HDAC4: variants seen among roughly 807,000 people sequenced by gnomAD.
HDAC4 encodes histone deacetylase A.
In HDAC4, 16 loss-of-function variants were observed where a neutral mutation model predicts 135.1. That is an observed-to-expected ratio of 0.12 (90% CI 0.08 to 0.18). The LOEUF (loss-of-function observed/expected upper bound fraction) is 0.18, where lower values mean the gene tolerates loss of function less well. Among genes scored for constraint, HDAC4 ranks in the 10% least tolerant of loss-of-function variants. The pLI, the probability that HDAC4 is intolerant of heterozygous loss-of-function variation, is 1.00. For synonymous variants in HDAC4, 685 were observed against 653.4 expected (o/e 1.05, Z -0.74); for missense variants, 1,143 against 1,511.8 (o/e 0.76, Z 4.05).
chr2:239,345,757 C>T, intron 2 of HDAC4, among the ~76,000 whole-genome samples: 1 of 132,804 alleles, frequency 7.5e-6, no homozygotes, highest in South Asian at 2.1e-4. Flanking sequence ...AACACACACA[C>T]CCCCGTCTCA....
At chr2:239,176,624 C>CA (rs966565701) in intron 4 of HDAC4, 61 bp from the exon 5 acceptor site, 2 of 1,536,430 alleles carry the variant, frequency 1.3e-6, no homozygotes, top group African/African-American at 2.7e-5. Context: ...CACAGAGACC[C>CA]AATGAAGACC....
intron 2 of HDAC4, among the ~76,000 whole-genome samples, chr2:239,291,308 C>T (rs10460499): frequency 0.12 from 19,009 of 152,202 alleles, 1,794 homozygotes; most frequent in East Asian, 0.43. Context: ...CAAGTGCACA[C>T]GGGGATGGGC....
intron 15 of HDAC4, among the ~76,000 whole-genome samples, chr2:239,103,187 G>A (rs567493802): frequency 2.0e-5 from 3 of 152,146 alleles, no homozygotes; most frequent in Non-Finnish European, 4.4e-5. Context: ...CGAATGACTT[G>A]GCATCAAATT....
chr2:239,070,031 C>G (rs974351761), intron 22 of HDAC4, among the ~76,000 whole-genome samples: 4 of 149,352 alleles, frequency 2.7e-5, no homozygotes, highest in Non-Finnish European at 5.9e-5. Flanking sequence ...TGCCCATCCT[C>G]TCTTCTGAGA....
chr2:239,082,068 T>C (rs775846008), intron 21 of HDAC4, 34 bp downstream of exon 21: 15 of 1,216,826 alleles, frequency 1.2e-5, no homozygotes, highest in Middle Eastern at 2.2e-4. Context: ...GCAGTCCCCC[T>C]TTCCCCCCAG....
chr2:239,280,592 T>C (rs770167370), intron 2 of HDAC4, among the ~76,000 whole-genome samples: 13 of 152,084 alleles, frequency 8.5e-5, no homozygotes, highest in Non-Finnish European at 1.8e-4. Context: ...AGCAGGTGCA[T>C]TGTGGCCTCT....
chr2:239,082,821 A>G lies in HDAC4; in HGVS notation c.2533-600T>C, dbSNP rs2035480072. Among the ~76,000 whole-genome samples, 3 of 152,256 alleles carry G rather than the reference A, an allele frequency of 2.0e-5. No homozygotes were observed. The South Asian group carries it at 6.2e-4, about 31-fold the overall frequency. On this transcript the variant is annotated intron_variant, in intron 20 of 26. Coordinates refer to ENST00000543185, the MANE Select transcript of HDAC4 (RefSeq NM_001378414.1). The stretch of plus-strand genomic sequence containing the variant: ...AACCCACAGGTCAGATGCAGCAGAG[A>G]GCACAGGCAGCCTGGGGCTTTACTG...
chr2:239,372,483 C>G (rs1272769603), intron 1 of HDAC4, among the ~76,000 whole-genome samples: 1 of 152,354 alleles, frequency 6.6e-6, no homozygotes, highest in African/African-American at 2.4e-5. Context: ...TGGGCTCCCG[C>G]GCACACACGC....
Position 239,139,557 on chromosome 2 carries a change from C to A in HDAC4, c.978+127G>T, listed in dbSNP as rs2152899745. ...CGTCCTTTTTAGGATGGCTCACAGG[C>A]CACTTTCCCTCACCCCAAATTGGAA... On this transcript the variant is annotated intron_variant, in intron 9 of 26. Coordinates refer to ENST00000543185, the MANE Select transcript of HDAC4 (RefSeq NM_001378414.1). The surrounding 1 kb of genome is among the most constrained non-coding windows in gnomAD (Gnocchi z 5.3). 1 of 884,210 alleles carries A rather than the reference C, an allele frequency of 1.1e-6. No individual in the cohort carries two copies. Among genetic ancestry groups the A allele is most frequent in the Non-Finnish European group, 1.9e-6 (1 of 519,754 alleles). 54.8% of individuals were successfully genotyped at this position (884,210 alleles called of 1,614,324 possible).
chr2:239,209,154 T>C (rs971237613), intron 3 of HDAC4, among the ~76,000 whole-genome samples: 1 of 152,232 alleles, frequency 6.6e-6, no homozygotes, highest in Non-Finnish European at 1.5e-5. Flanking sequence ...GTGCTAGGAT[T>C]ACAGGTGTGA....
chr2:239,072,587 C>T (rs2034312972), intron 22 of HDAC4, among the ~76,000 whole-genome samples: 1 of 152,210 alleles, frequency 6.6e-6, no homozygotes, highest in Non-Finnish European at 1.5e-5. Flanking sequence ...TTCAGAGGCC[C>T]CTCCCTGGGG....
intron 2 of HDAC4, among the ~76,000 whole-genome samples, chr2:239,335,690 T>C (rs570004408): frequency 5.6e-4 from 85 of 152,242 alleles, no homozygotes; most frequent in Non-Finnish European, 2.5e-4. Context: ...CCACCAAAGA[T>C]GACATCTAGT....
At chr2:239,156,529 A>G in intron 7 of HDAC4, 123 bp downstream of exon 7, 8 of 1,183,068 alleles carry the variant, frequency 6.8e-6, no homozygotes, top group Non-Finnish European at 1.0e-5. Flanking sequence ...AGGAGAAAAT[A>G]TTTAAAAATC....
In HDAC4 at chr2:239,331,139, G is replaced by A. The variant is rs928929598; in HGVS notation, c.22+21539C>T. 4.7e-4 allele frequency among the ~76,000 whole-genome samples: 72 copies of A among 152,226 alleles called. No individual in the cohort carries two copies. Among genetic ancestry groups the A allele is most frequent in the Admixed American group, 4.1e-3 (63 of 15,284 alleles). ...GCTCTCAGCCTGCCCAGGAGGAAGC[G>A]GGGCTGATGGGCCATCGGAGCAAAG... On this transcript the variant is annotated intron_variant, in intron 2 of 26. Transcript: ENST00000543185. This position sits in a 1 kb window ranked among gnomAD's most constrained non-coding sequence, Gnocchi z 4.5.
intron 12 of HDAC4, among the ~76,000 whole-genome samples, chr2:239,122,667 G>A (rs2039793667): frequency 4.6e-5 from 7 of 152,242 alleles, no homozygotes; most frequent in Admixed American, 4.6e-4. Flanking sequence ...TCAGCCAAAA[G>A]GGGCAGCTCT....
chr2:239,368,318 G>A (rs1694364383), intron 1 of HDAC4, among the ~76,000 whole-genome samples: 1 of 152,168 alleles, frequency 6.6e-6, no homozygotes, highest in South Asian at 2.1e-4. Context: ...CAGGAACTTG[G>A]CTGTGAGGAA....
chr2:239,268,509 A>G (rs1444940755), intron 2 of HDAC4, among the ~76,000 whole-genome samples: 1 of 152,254 alleles, frequency 6.6e-6, no homozygotes, highest in Non-Finnish European at 1.5e-5. Context: ...CACAAAAAGG[A>G]ATCAACATAC....
intron 2 of HDAC4, among the ~76,000 whole-genome samples, chr2:239,241,622 ACTCTT>A (rs1425882719): frequency 6.6e-6 from 1 of 151,772 alleles, no homozygotes; most frequent in Admixed American, 6.6e-5. Flanking sequence ...GGTTCAAGAA[ACTCTT>A]CTCTTCCTGG....
rs1318945973 is a variant in HDAC4, at chr2:239,167,485, G to C, written c.491-3562C>G. Among the ~76,000 whole-genome samples, 1 of 152,148 alleles carries C rather than the reference G, an allele frequency of 6.6e-6. No individual in the cohort carries two copies. Among genetic ancestry groups the C allele is most frequent in the African/African-American group, 2.4e-5 (1 of 41,442 alleles). ...ATGCCCAGCATAGGCCTGGCCAGCA[G>C]GAAACACGAGGAAGGTAAGTCTTCG... is the stretch of plus-strand genomic sequence containing the variant. On this transcript the variant is annotated intron_variant, in intron 5 of 26. Transcript: ENST00000543185. This position sits in a 1 kb window ranked among gnomAD's most constrained non-coding sequence, Gnocchi z 4.1.
Sources: allele counts gnomAD v4.1 joint callset (sites outside exome capture counted in the v4.1 genomes callset), GRCh38; gene constraint gnomAD v4.1.1; non-coding constraint Gnocchi (gnomAD v3.1); transcripts MANE v1.5; gene names NCBI Gene and HGNC (gene_info 2026-07-23, HGNC 2026-07-21).